The following MGAM2 variants were observed in gnomAD, a reference collection of about 807,000 sequenced individuals.
The protein encoded by MGAM2 is probable maltase-glucoamylase 2.
MGAM2 carries 98 observed loss-of-function variants against 96.1 expected under a neutral mutation model. That is an observed-to-expected ratio of 1.02 (90% CI 0.87 to 1.21). The LOEUF (loss-of-function observed/expected upper bound fraction) is 1.21. Among genes scored for constraint, MGAM2 ranks in the 50% most tolerant of loss-of-function variants. The probability of loss-of-function intolerance (pLI) is 0.00; values close to 1 mark genes in which losing one functional copy is unlikely to be tolerated. For synonymous variants in MGAM2, 749 were observed against 414.8 expected (o/e 1.81, Z -9.79); for missense variants, 2,055 against 1,182.4 (o/e 1.74, Z -10.82).
In MGAM2 at chr7:142,197,677, C is replaced by A. The variant is rs1797091494; in HGVS notation, c.4815C>A (p.Asp1605Glu). 2 of 702,760 alleles carry A rather than the reference C, an allele frequency of 2.8e-6. No homozygotes were observed. Among genetic ancestry groups the A allele is most frequent in the Non-Finnish European group, 5.2e-6 (2 of 384,974 alleles). The allele number at this position is 702,760 out of a possible 1,614,324, so 43.5% of individuals were successfully genotyped here. A position where few individuals can be genotyped will look rare whatever the true frequency, so the allele number is the denominator to read the frequency against. Reference protein sequence around the residue: ...FTDDRTTWDIDRQFMLGPAIL... With the variant: ...FTDDRTTWDIERQFMLGPAIL... Reference sequence around the variant, plus strand: ...ATGACAGGACAACATGGGATATAGACCGTCAGTTCATGTTGGGCCCTGCTA... The same window carrying A: ...ATGACAGGACAACATGGGATATAGAACGTCAGTTCATGTTGGGCCCTGCTA... Residue 1605 changes from aspartate (D) to glutamate (E), a missense_variant, in exon 42 of 48, where the codon GAC (aspartate) becomes GAA (glutamate). Coordinates refer to ENST00000477922, the MANE Select transcript of MGAM2 (RefSeq NM_001293626.2).
intron 23 of MGAM2, 72 bp from the exon 24 acceptor site, chr7:142,164,784 T>C: frequency 1.8e-6 from 1 of 569,732 alleles, no homozygotes; most frequent in Non-Finnish European, 3.1e-6. Context: ...AATTGAGACA[T>C]TGACTGGTAT....
In MGAM2 at chr7:142,185,093, C is replaced by G. The variant is rs1280264384; in HGVS notation, c.3941C>G (p.Pro1314Arg). ...TTTCTCTAGGTTTGGCCAGATCTGC[C>G]TAATGTAATTGTAGATGGATCCCTT... Reference protein sequence around the residue: ...IVWGKVWPDLPNVIVDGSLDH... With the variant: ...IVWGKVWPDLRNVIVDGSLDH... The change falls in exon 34 of 48, where the codon CCT becomes CGT. Residue 1314 changes from proline to arginine, a missense_variant. Coordinates refer to ENST00000477922, the MANE Select transcript of MGAM2 (RefSeq NM_001293626.2). The G allele has an allele frequency of 4.3e-6, 3 of 702,792 alleles. No individual in the cohort carries two copies. Among genetic ancestry groups the G allele is most frequent in the Non-Finnish European group, 7.8e-6 (3 of 384,942 alleles). 43.5% of individuals were successfully genotyped at this position (702,792 alleles called of 1,614,324 possible). A position where few individuals can be genotyped will look rare whatever the true frequency, so the allele number is the denominator to read the frequency against.
chr7:142,171,671 G>C (rs1297848296), intron 28 of MGAM2, among the ~76,000 whole-genome samples: 1 of 79,874 alleles, frequency 1.3e-5, no homozygotes, highest in Non-Finnish European at 2.7e-5. Flanking sequence ...ACTGACAGAG[G>C]GAAATATGTA....
chr7:142,128,743 G>A (rs1301064722), intron 3 of MGAM2, among the ~76,000 whole-genome samples: 1 of 152,240 alleles, frequency 6.6e-6, no homozygotes, highest in Non-Finnish European at 1.5e-5. Flanking sequence ...CCTCTACCTA[G>A]ATTTCAGAGG....
chr7:142,149,972 G>A (rs1158883387), intron 15 of MGAM2, among the ~76,000 whole-genome samples: 3 of 148,218 alleles, frequency 2.0e-5, no homozygotes, highest in African/African-American at 7.5e-5. Flanking sequence ...ACAGAGTTTC[G>A]CTCTTGTTGC....
At chr7:142,134,976 G>T (rs1795013139) in intron 7 of MGAM2, among the ~76,000 whole-genome samples, 1 of 152,082 alleles carries the variant, frequency 6.6e-6, no homozygotes, top group African/African-American at 2.4e-5. Context: ...CACTTGTCTT[G>T]TGGCTGACTG....
intron 38 of MGAM2, 25 bp from the exon 39 acceptor site, chr7:142,196,540 A>G: frequency 4.2e-6 from 3 of 713,790 alleles, no homozygotes; most frequent in Non-Finnish European, 7.7e-6. Context: ...CCTTCCTCCA[A>G]CACAGCTGTG....
intron 3 of MGAM2, among the ~76,000 whole-genome samples, chr7:142,126,089 TACC>T: frequency 6.6e-6 from 1 of 152,140 alleles, no homozygotes; most frequent in East Asian, 1.9e-4. Context: ...CATTTGAATT[TACC>T]ACATTATATT....
At chr7:142,196,068 C>G in intron 37 of MGAM2, 86 bp from the exon 38 acceptor site, 1 of 712,008 alleles carries the variant, frequency 1.4e-6, no homozygotes, top group Non-Finnish European at 2.5e-6. Context: ...ACCGAAGTAC[C>G]CTCACCCTCT....
chr7:142,134,378 A>T (rs1794993828), intron 7 of MGAM2, among the ~76,000 whole-genome samples: 1 of 152,218 alleles, frequency 6.6e-6, no homozygotes, highest in Non-Finnish European at 1.5e-5. Flanking sequence ...GCATTTTTTA[A>T]ACAAATTTCA....
chr7:142,202,613 C>T (rs1185967090), intron 45 of MGAM2, among the ~76,000 whole-genome samples: 1 of 152,138 alleles, frequency 6.6e-6, no homozygotes, highest in Non-Finnish European at 1.5e-5. Context: ...ATTGTGACCT[C>T]TAACTGCATC....
chr7:142,114,324 T>C (rs1489277332), intron 1 of MGAM2, among the ~76,000 whole-genome samples: 1 of 151,908 alleles, frequency 6.6e-6, no homozygotes, highest in South Asian at 2.1e-4. Context: ...GAAAGTTTCA[T>C]GGAGGAGAAA....
chr7:142,144,121 C>T (rs1200118029), intron 13 of MGAM2: 3 of 305,522 alleles, frequency 9.8e-6, no homozygotes, highest in South Asian at 1.1e-4. Flanking sequence ...AAAGTTTTTG[C>T]TTTCTCCATT....
intron 44 of MGAM2, 107 bp from the exon 45 acceptor site, chr7:142,199,773 A>T: frequency 2.0e-6 from 1 of 504,794 alleles, no homozygotes; most frequent in Non-Finnish European, 3.5e-6. Flanking sequence ...TGCATATTTA[A>T]TACATTTCTT....
intron 36 of MGAM2, 113 bp from the exon 37 acceptor site, chr7:142,189,254 C>A (rs1233394133): frequency 1.8e-6 from 1 of 550,832 alleles, no homozygotes; most frequent in Non-Finnish European, 3.2e-6. Flanking sequence ...AAAATTGGGT[C>A]TGTTACTGGT....
Position 142,174,715 on chromosome 7 carries a change from CTT to C in MGAM2, c.3688-920_3688-919del, listed in dbSNP as rs34480300. ...ATGCCCTTTATTTCTCTCTCTCTCT[CTT>C]TTTTTTTTTTTTTTTTGAGTTGGAG... is the stretch of plus-strand genomic sequence containing the variant. On this transcript the variant is annotated intron_variant, in intron 31 of 47. Coordinates refer to ENST00000477922, the MANE Select transcript of MGAM2 (RefSeq NM_001293626.2). Among the ~76,000 whole-genome samples, 20 of 85,426 alleles carry C rather than the reference CTT, an allele frequency of 2.3e-4. 1 individual carries two copies. In the South Asian group the frequency reaches 3.2e-3, roughly 14 times the overall value. 56.0% of individuals were successfully genotyped at this position (85,426 alleles called of 152,430 possible).
At chr7:142,217,755 C>G (rs964397507) in intron 46 of MGAM2, among the ~76,000 whole-genome samples, 9 of 152,042 alleles carry the variant, frequency 5.9e-5, no homozygotes, top group African/African-American at 2.2e-4. Flanking sequence ...TTCAAAATAG[C>G]TAGAAGAGAA....
At chr7:142,126,753 C>A (rs927182831) in intron 3 of MGAM2, among the ~76,000 whole-genome samples, 1 of 152,000 alleles carries the variant, frequency 6.6e-6, no homozygotes, top group African/African-American at 2.4e-5. Flanking sequence ...CAAAATAAGA[C>A]TTTAAGATAT....
chr7:142,141,074 A>C lies in MGAM2; in HGVS notation c.1272A>C (p.Leu424=), dbSNP rs534947050. The C allele has an allele frequency of 8.0e-5, 56 of 702,058 alleles. 1 individual carries two copies. In the South Asian group the frequency reaches 8.2e-4, roughly 10 times the overall value. 43.5% of individuals were successfully genotyped at this position (702,058 alleles called of 1,614,324 possible). A position where few individuals can be genotyped will look rare whatever the true frequency, so the allele number is the denominator to read the frequency against. The change falls in exon 12 of 48, where the codon CTA becomes CTC. Residue 424 remains leucine, a synonymous_variant. Coordinates refer to ENST00000477922, the MANE Select transcript of MGAM2 (RefSeq NM_001293626.2). The part of the protein sequence containing the change: ...SNYEPYNNGS[L]KRVWILGSNG... ...ACGAGCCCTATAATAATGGAAGCCT[A>C]AAGAGAGTGTGGATCTTGGGGAGCA...
Sources: gnomAD v4.1 joint callset for allele counts (sites outside exome capture counted in the v4.1 genomes callset) on GRCh38, gnomAD v4.1.1 for gene constraint, MANE v1.5 for transcripts, NCBI Gene and HGNC (gene_info 2026-07-23, HGNC 2026-07-21) for gene names.